NOL4: variants seen among roughly 807,000 people sequenced by gnomAD.
NOL4 encodes the protein nucleolar protein 4.
NOL4 carries 17 observed loss-of-function variants against 75.9 expected under a neutral mutation model. That is an observed-to-expected ratio of 0.22 (90% CI 0.15 to 0.34). The LOEUF (loss-of-function observed/expected upper bound fraction) is 0.34. Ranked by LOEUF, NOL4 falls within the 10% of genes least tolerant of loss-of-function variation. The pLI is 1.00. For synonymous variants in NOL4, 292 were observed against 289.9 expected (o/e 1.01, Z -0.07); for missense variants, 614 against 793.5 (o/e 0.77, Z 2.72).
In NOL4 at chr18:33,926,219, G is replaced by A. The variant is rs73414367; in HGVS notation, c.1542+16846C>T. On this transcript the variant is annotated intron_variant, in intron 9 of 10. Transcript: ENST00000261592. ...TACTAAAAATACAAAAATTAGCTGG[G>A]TGCGGTGACACGCACCTGTAGTCCC... Among the ~76,000 whole-genome samples the A allele has an allele frequency of 5.1e-3, 768 of 151,886 alleles. 7 individuals carry two copies. Among genetic ancestry groups the A allele is most frequent in the African/African-American group, 0.017 (718 of 41,436 alleles).
intron 2 of NOL4, among the ~76,000 whole-genome samples, chr18:34,122,022 C>T (rs997738711): frequency 4.6e-5 from 7 of 152,118 alleles, no homozygotes; most frequent in South Asian, 2.1e-4. Context: ...AAATATATCA[C>T]GTCTATGTAT....
chr18:34,153,214 T>C (rs952473721), intron 1 of NOL4, among the ~76,000 whole-genome samples: 4 of 151,892 alleles, frequency 2.6e-5, no homozygotes, highest in Non-Finnish European at 1.5e-5. Flanking sequence ...TCATAAGGTA[T>C]ATTTATATTA....
intron 6 of NOL4, among the ~76,000 whole-genome samples, chr18:33,962,630 CATA>C (rs2070241074): frequency 6.6e-6 from 1 of 152,066 alleles, no homozygotes; most frequent in Non-Finnish European, 1.5e-5. Flanking sequence ...TAAAAATCAG[CATA>C]ATATCTTTAC....
chr18:34,107,017 A>G (rs1211388101), intron 2 of NOL4, among the ~76,000 whole-genome samples: 1 of 152,160 alleles, frequency 6.6e-6, no homozygotes, highest in African/African-American at 2.4e-5. Flanking sequence ...TCTACTTTAT[A>G]AAAGAGAAAT....
chr18:34,078,110 C>A (rs2077830943), intron 5 of NOL4, among the ~76,000 whole-genome samples: 1 of 152,066 alleles, frequency 6.6e-6, no homozygotes, highest in Non-Finnish European at 1.5e-5. Flanking sequence ...TAGATAATTA[C>A]AATATGTTGG....
At chr18:33,969,818 T>C (rs1406741250) in intron 6 of NOL4, among the ~76,000 whole-genome samples, 1 of 152,060 alleles carries the variant, frequency 6.6e-6, no homozygotes, top group East Asian at 1.9e-4. Context: ...GAAATTGTCA[T>C]TTAAAAATAA....
chr18:33,874,366 G>A (rs2063835410), intron 10 of NOL4, among the ~76,000 whole-genome samples: 1 of 151,912 alleles, frequency 6.6e-6, no homozygotes, highest in Non-Finnish European at 1.5e-5. Flanking sequence ...TGTTTGATAT[G>A]AAACATTCTT....
At chr18:33,905,446 G>A (rs1209241623) in intron 9 of NOL4, among the ~76,000 whole-genome samples, 1 of 152,116 alleles carries the variant, frequency 6.6e-6, no homozygotes, top group Non-Finnish European at 1.5e-5. Context: ...AAAACAGTGG[G>A]CATATGAGCT....
At chr18:34,119,191 T>TA (rs1320504000) in intron 2 of NOL4, among the ~76,000 whole-genome samples, 2 of 152,220 alleles carry the variant, frequency 1.3e-5, no homozygotes, top group Non-Finnish European at 2.9e-5. Context: ...GTAATCACTG[T>TA]ATCTCTCAAA....
At chr18:34,178,935 T>C (rs1009011006) in intron 1 of NOL4, among the ~76,000 whole-genome samples, 1 of 151,664 alleles carries the variant, frequency 6.6e-6, no homozygotes, top group East Asian at 1.9e-4. Context: ...ATAAGTGATA[T>C]TTTAGACTAT....
intron 5 of NOL4, among the ~76,000 whole-genome samples, chr18:34,071,061 C>T (rs4383222): frequency 0.87 from 132,093 of 152,124 alleles, 57,438 homozygotes; most frequent in East Asian, 0.97. Context: ...TAGTAAACAA[C>T]AGTGTATATT....
chr18:33,882,707 T>A (rs1045641445), intron 10 of NOL4, among the ~76,000 whole-genome samples: 1 of 151,828 alleles, frequency 6.6e-6, no homozygotes, highest in East Asian at 1.9e-4. Flanking sequence ...CATTACTGGG[T>A]ATATACCCAA....
intron 1 of NOL4, among the ~76,000 whole-genome samples, chr18:34,143,864 C>CAAAA (rs754617814): frequency 7.6e-5 from 5 of 65,932 alleles, no homozygotes; most frequent in East Asian, 7.8e-4. Flanking sequence ...AACTCCATCT[C>CAAAA]AAAAAAAAAA....
At chr18:34,031,884 G>C (rs1031951612) in intron 5 of NOL4, among the ~76,000 whole-genome samples, 4 of 152,174 alleles carry the variant, frequency 2.6e-5, no homozygotes, top group African/African-American at 9.6e-5. Context: ...AAAGGGAGCT[G>C]CTGGGAGACC....
At chr18:34,124,643 G>T (rs1360914427) in intron 2 of NOL4, among the ~76,000 whole-genome samples, 1 of 152,104 alleles carries the variant, frequency 6.6e-6, no homozygotes, top group Non-Finnish European at 1.5e-5. Flanking sequence ...GATGGCTCAT[G>T]CTTGTAATCC....
chr18:34,028,071 T>C (rs1030126680), intron 5 of NOL4, among the ~76,000 whole-genome samples: 2 of 152,202 alleles, frequency 1.3e-5, no homozygotes, highest in African/African-American at 2.4e-5. Context: ...ACTGTATCAA[T>C]TTAAACTCTT....
chr18:33,963,883 T>G (rs947395533), intron 6 of NOL4, among the ~76,000 whole-genome samples: 5 of 152,134 alleles, frequency 3.3e-5, no homozygotes, highest in African/African-American at 7.2e-5. Context: ...ATGGCTCAGA[T>G]AGCAACACCA....
chr18:34,048,435 T>C, intron 5 of NOL4: 1 of 985,174 alleles, frequency 1.0e-6, no homozygotes, highest in Non-Finnish European at 1.2e-6. Context: ...GAGCTGACAC[T>C]TACTGTGAAT....
At chr18:33,916,240 T>G (rs948420202) in intron 9 of NOL4, among the ~76,000 whole-genome samples, 3 of 152,184 alleles carry the variant, frequency 2.0e-5, no homozygotes, top group Non-Finnish European at 2.9e-5. Context: ...ACTCTCTATG[T>G]TTCATGAGTT....
Sources: allele counts gnomAD v4.1 joint callset (sites outside exome capture counted in the v4.1 genomes callset), GRCh38; gene constraint gnomAD v4.1.1; transcripts MANE v1.5; gene names NCBI Gene and HGNC (gene_info 2026-07-23, HGNC 2026-07-21).